The following RAC1 variants were observed in gnomAD, a reference collection of about 807,000 sequenced individuals.
The protein encoded by RAC1 is ras-related C3 botulinum toxin substrate 1.
A neutral mutation model predicts 25.2 loss-of-function variants in RAC1; 2 were observed. That is an observed-to-expected ratio of 0.08 (90% CI 0.03 to 0.25). RAC1 has a LOEUF of 0.25. Ranked by LOEUF, RAC1 falls within the 10% of genes least tolerant of loss-of-function variation. RAC1 has a pLI of 1.00. For missense variants in RAC1, 50 were observed against 235.7 expected (o/e 0.21, Z 5.16); for synonymous variants, 88 against 94.0 (o/e 0.94, Z 0.37).
chr7:6,378,792 G>C (rs1360353688), intron 1 of RAC1, among the ~76,000 whole-genome samples: 2 of 151,478 alleles, frequency 1.3e-5, no homozygotes, highest in Admixed American at 1.3e-4. Context: ...GCTTTTCCTA[G>C]GTAAGACAGC....
intron 2 of RAC1, among the ~76,000 whole-genome samples, chr7:6,390,123 G>T: frequency 1.3e-5 from 1 of 74,972 alleles, no homozygotes; most frequent in African/African-American, 7.0e-5. Flanking sequence ...TTTTTGAGAT[G>T]GGGTCTTGCA....
At chr7:6,388,859 A>T (rs1390885080) in intron 2 of RAC1, among the ~76,000 whole-genome samples, 1 of 152,158 alleles carries the variant, frequency 6.6e-6, no homozygotes, top group African/African-American at 2.4e-5. Context: ...TTGATAGATT[A>T]TTAGAAGCAA....
intron 1 of RAC1, among the ~76,000 whole-genome samples, chr7:6,382,448 A>G (rs1339856299): frequency 6.6e-6 from 1 of 152,082 alleles, no homozygotes; most frequent in Non-Finnish European, 1.5e-5. Context: ...TGGATCTTTT[A>G]TTTTTTTAAC....
chr7:6,398,757 C>T lies in RAC1; in HGVS notation c.226-1369C>T, dbSNP rs118039194. 2.7e-3 allele frequency: 4,293 copies of T among 1,578,244 alleles called. 11 individuals are homozygous for T. Among genetic ancestry groups the T allele is most frequent in the Non-Finnish European group, 3.4e-3 (3,913 of 1,149,330 alleles). On this transcript the variant is annotated intron_variant, in intron 3 of 5. Coordinates refer to ENST00000348035, the MANE Select transcript of RAC1 (RefSeq NM_006908.5). ...TCAGTCCACTTCAGTTTCAAGCTTTCTCTGTTCTCTCATTTCACTTCGTTT... is the reference window on the plus strand; with the variant it reads ...TCAGTCCACTTCAGTTTCAAGCTTTTTCTGTTCTCTCATTTCACTTCGTTT...
intron 1 of RAC1, among the ~76,000 whole-genome samples, chr7:6,375,306 T>A (rs1319872799): frequency 6.6e-6 from 1 of 151,934 alleles, no homozygotes; most frequent in Non-Finnish European, 1.5e-5. Flanking sequence ...CCCAGGCCGG[T>A]CTCGAACTCC....
intron 2 of RAC1, among the ~76,000 whole-genome samples, chr7:6,390,096 CTTTTTTTTTT>C (rs34547258): frequency 5.3e-5 from 4 of 74,924 alleles, no homozygotes; most frequent in Non-Finnish European, 8.8e-5. Flanking sequence ...CCCTCCCTCC[CTTTTTTTTTT>C]TTTTTTTTTT....
At chr7:6,379,477 T>C (rs1163232184) in intron 1 of RAC1, among the ~76,000 whole-genome samples, 2 of 152,112 alleles carry the variant, frequency 1.3e-5, no homozygotes, top group African/African-American at 4.8e-5. Flanking sequence ...TTCTCCTTGT[T>C]AGCCAGGTTG....
At chr7:6,375,754 ACTGGCCCC>A (rs1459594936) in intron 1 of RAC1, 1 of 151,912 alleles carries the variant, frequency 6.6e-6, no homozygotes, top group Non-Finnish European at 1.5e-5. Flanking sequence ...ATGTAGCAGA[ACTGGCCCC>A]CTGTGACTCC....
chr7:6,383,414 G>A (rs952691282), intron 1 of RAC1, among the ~76,000 whole-genome samples: 2 of 136,774 alleles, frequency 1.5e-5, no homozygotes, highest in Non-Finnish European at 3.0e-5. Context: ...ATTGCACTAA[G>A]CTTAAATATA....
intron 5 of RAC1, 63 bp downstream of exon 5, chr7:6,402,090 G>A (rs1783419406): frequency 1.9e-6 from 3 of 1,543,392 alleles, no homozygotes; most frequent in Non-Finnish European, 2.6e-6. Context: ...AGAGACTGGA[G>A]TCCAGTCTGG....
intron 2 of RAC1, among the ~76,000 whole-genome samples, chr7:6,387,555 C>G (rs1782957399): frequency 6.6e-6 from 1 of 152,034 alleles, no homozygotes; most frequent in Non-Finnish European, 1.5e-5. Context: ...GAAACCCCAT[C>G]TCTACTAAAA....
intron 1 of RAC1, among the ~76,000 whole-genome samples, chr7:6,380,114 T>A (rs1782723277): frequency 6.6e-6 from 1 of 152,006 alleles, no homozygotes; most frequent in African/African-American, 2.4e-5. Flanking sequence ...TTCCGTGACA[T>A]CATCCTTACA....
chr7:6,379,803 C>T (rs1017849899), intron 1 of RAC1, among the ~76,000 whole-genome samples: 1 of 152,008 alleles, frequency 6.6e-6, no homozygotes, highest in Non-Finnish European at 1.5e-5. Context: ...GGCCGGGGTG[C>T]AGTGGCATGA....
chr7:6,378,446 T>C (rs1280841868), intron 1 of RAC1, among the ~76,000 whole-genome samples: 3 of 151,924 alleles, frequency 2.0e-5, no homozygotes. Flanking sequence ...CTCAGGATGC[T>C]GAGGCAGGAG....
intron 3 of RAC1, 86 bp downstream of exon 3, chr7:6,392,127 C>T (rs1783107895): frequency 4.4e-6 from 7 of 1,585,326 alleles, no homozygotes; most frequent in Admixed American, 1.7e-5. Context: ...TATGGACTTG[C>T]TTATATTGCC....
chr7:6,391,504 C>G (rs1783091863), intron 2 of RAC1: 2 of 196,214 alleles, frequency 1.0e-5, no homozygotes. Flanking sequence ...TCTGGAAACC[C>G]TGCAGAGGGT....
chr7:6,402,527 A>G lies in RAC1; in HGVS notation c.*81A>G, dbSNP rs1053799259. 7 of 1,086,078 alleles carry G rather than the reference A, an allele frequency of 6.4e-6. 1 individual carries two copies. 67.3% of individuals were successfully genotyped at this position (1,086,078 alleles called of 1,614,324 possible). ...CAAAAAAAAACAAAAAAAAAAAACAAAAAAAAAAAACAACGGTGGAGCCTT... is the reference window on the plus strand; with the variant it reads ...CAAAAAAAAACAAAAAAAAAAAACAGAAAAAAAAAACAACGGTGGAGCCTT... On this transcript the variant is annotated 3_prime_UTR_variant, in exon 6 of 6. Coordinates refer to ENST00000348035, the MANE Select transcript of RAC1 (RefSeq NM_006908.5).
At chr7:6,399,807 T>G in intron 3 of RAC1, 1 of 312,066 alleles carries the variant, frequency 3.2e-6, no homozygotes, top group Non-Finnish European at 5.9e-6. Context: ...CCTTTATACT[T>G]GATTTTTTCA....
At chr7:6,387,594 G>A (rs560970353) in intron 2 of RAC1, among the ~76,000 whole-genome samples, 13 of 152,026 alleles carry the variant, frequency 8.6e-5, no homozygotes, top group Admixed American at 2.6e-4. Context: ...GTGTGGTGGC[G>A]GGTGCCTGTA....
Sources: gnomAD v4.1 joint callset for allele counts (sites outside exome capture counted in the v4.1 genomes callset) on GRCh38, gnomAD v4.1.1 for gene constraint, MANE v1.5 for transcripts, NCBI Gene and HGNC (gene_info 2026-07-23, HGNC 2026-07-21) for gene names.